ARHGAP6: variants seen among roughly 807,000 people sequenced by gnomAD.
The protein encoded by ARHGAP6 is Rho GTPase activating protein 6.
Under a neutral mutation model 55.7 loss-of-function variants are expected in ARHGAP6, and 16 were observed. The ratio of observed to expected loss-of-function variants is 0.29; its 90% CI spans 0.19 to 0.44. ARHGAP6 has a LOEUF of 0.44. ARHGAP6 is among the 20% of genes least tolerant of loss of function. ARHGAP6 has a pLI of 1.00. For missense variants in ARHGAP6, 698 were observed against 808.9 expected (o/e 0.86, Z 1.66); for synonymous variants, 382 against 360.9 (o/e 1.06, Z -0.66).
chrX:11,497,056 CA>C (rs2050629909), intron 1 of ARHGAP6, among the ~76,000 whole-genome samples: 2 of 111,381 alleles, frequency 1.8e-5, no homozygotes, highest in African/African-American at 6.5e-5. Flanking sequence ...TAGTGATCAC[CA>C]GATCTTCTTT....
At chrX:11,324,215 A>G (rs1442002002) in intron 1 of ARHGAP6, among the ~76,000 whole-genome samples, 1 of 112,245 alleles carries the variant, frequency 8.9e-6, no homozygotes, top group African/African-American at 3.2e-5. Context: ...GAATTGTAAC[A>G]GGAAATAAAA....
At chrX:11,283,616 G>A (rs1013671867) in intron 1 of ARHGAP6, among the ~76,000 whole-genome samples, 1 of 111,930 alleles carries the variant, frequency 8.9e-6, no homozygotes, top group African/African-American at 3.2e-5. Context: ...AGATTGTCCT[G>A]AATTATGTAT....
intron 2 of ARHGAP6, among the ~76,000 whole-genome samples, chrX:11,214,158 A>G (rs962445327): frequency 9.0e-6 from 1 of 110,670 alleles, no homozygotes; most frequent in African/African-American, 3.3e-5. Flanking sequence ...GGAAATACAA[A>G]GGAATATAAA....
At chrX:11,531,186 A>G (rs1463898889) in intron 1 of ARHGAP6, among the ~76,000 whole-genome samples, 1 of 111,637 alleles carries the variant, frequency 9.0e-6, no homozygotes, top group Non-Finnish European at 1.9e-5. Flanking sequence ...TAAAAAATCT[A>G]GGATGTTCAT....
intron 2 of ARHGAP6, chrX:11,223,203 G>A (rs186439921): frequency 6.8e-5 from 11 of 161,577 alleles, no homozygotes; most frequent in East Asian, 2.6e-4. Flanking sequence ...GATTGAAAGC[G>A]TTGCAAAAGC....
At chrX:11,645,318 A>T (rs1447610621) in intron 1 of ARHGAP6, among the ~76,000 whole-genome samples, 2 of 111,352 alleles carry the variant, frequency 1.8e-5, no homozygotes, top group Non-Finnish European at 3.8e-5. Context: ...AAGAAAAAAA[A>T]TCATTTTTTT....
intron 2 of ARHGAP6, among the ~76,000 whole-genome samples, chrX:11,214,939 G>A (rs148031500): frequency 0.012 from 1,409 of 113,414 alleles, 24 homozygotes; most frequent in African/African-American, 0.042. Flanking sequence ...GTGAAGCACC[G>A]GGCTGCCCCA....
At position 11,138,700 on chromosome X, in the gene ARHGAP6, G is replaced by T. The variant is rs893814529; in HGVS notation, c.*163C>A. The T allele has an allele frequency of 1.9e-5, 10 of 538,058 alleles. No individual in the cohort carries two copies. The highest frequency in any genetic ancestry group is 2.6e-5 in the Non-Finnish European group (9 of 341,804). 44.3% of individuals were successfully genotyped at this position (538,058 alleles called of 1,213,427 possible). A position where few individuals can be genotyped will look rare whatever the true frequency, so the allele number is the denominator to read the frequency against. On this transcript the variant is annotated 3_prime_UTR_variant, in exon 13 of 13. Transcript: ENST00000337414. Reference sequence around the variant, plus strand: ...AATGGAACCTTATTCTCAATGGCGGGGGCGTGAGTGCTCTACCTCTGTAGG... The same window carrying T: ...AATGGAACCTTATTCTCAATGGCGGTGGCGTGAGTGCTCTACCTCTGTAGG...
intron 1 of ARHGAP6, among the ~76,000 whole-genome samples, chrX:11,354,321 C>CTATATATATATA (rs1295985738): frequency 3.1e-5 from 2 of 64,391 alleles, no homozygotes; most frequent in African/African-American, 6.4e-5. Context: ...CTCTCTCTCT[C>CTATATATATATA]TCTCTCTATA....
Position 11,142,319 on chromosome X carries a change from G to A in ARHGAP6, c.2177-6C>T. ...GAAAGGCTCCTCTGACAGATCTAGG[G>A]AAAAAGTGTATAAAAAGGTATATAA... On this transcript the variant is annotated splice_polypyrimidine_tract_variant and splice_region_variant and intron_variant, in intron 11 of 12. Coordinates refer to ENST00000337414, the MANE Select transcript of ARHGAP6 (RefSeq NM_013427.3). The A allele has an allele frequency of 3.4e-6, 4 of 1,167,488 alleles. No homozygotes were observed. Among genetic ancestry groups the A allele is most frequent in the Non-Finnish European group, 4.6e-6 (4 of 865,045 alleles).
chrX:11,330,390 A>G (rs964945072), intron 1 of ARHGAP6, among the ~76,000 whole-genome samples: 3 of 112,157 alleles, frequency 2.7e-5, no homozygotes, highest in Admixed American at 9.5e-5. Flanking sequence ...AAAATTCATA[A>G]CATCACTTTT....
intron 1 of ARHGAP6, among the ~76,000 whole-genome samples, chrX:11,342,248 C>A (rs1190204319): frequency 8.9e-6 from 1 of 111,771 alleles, no homozygotes; most frequent in South Asian, 3.7e-4. Flanking sequence ...CATTTTATGG[C>A]ACCGGATTAT....
At chrX:11,577,881 C>G (rs144626807) in intron 1 of ARHGAP6, among the ~76,000 whole-genome samples, 9 of 110,981 alleles carry the variant, frequency 8.1e-5, no homozygotes, top group African/African-American at 2.9e-4. Flanking sequence ...ATCTTTCGGC[C>G]GATACCTATA....
intron 1 of ARHGAP6, among the ~76,000 whole-genome samples, chrX:11,390,668 C>T (rs1384938514): frequency 8.9e-6 from 1 of 112,203 alleles, no homozygotes; most frequent in Non-Finnish European, 1.9e-5. Context: ...TGAACAGGCA[C>T]TTCTCAAAAG....
intron 1 of ARHGAP6, among the ~76,000 whole-genome samples, chrX:11,299,256 T>C (rs2048138184): frequency 8.9e-6 from 1 of 112,032 alleles, no homozygotes. Context: ...TAGAAATATA[T>C]ATTACTAAAC....
chrX:11,275,194 C>G (rs1399904662), intron 1 of ARHGAP6, among the ~76,000 whole-genome samples: 1 of 111,461 alleles, frequency 9.0e-6, no homozygotes, highest in African/African-American at 3.3e-5. Flanking sequence ...TATCTCTTGA[C>G]TATTATATAT....
rs1436457461 is a variant in ARHGAP6, at chrX:11,664,483, C to G, written c.346G>C (p.Gly116Arg). 1 of 1,209,266 alleles carries G rather than the reference C, an allele frequency of 8.3e-7. No individual in the cohort carries two copies. Among genetic ancestry groups the G allele is most frequent in the Non-Finnish European group, 1.1e-6 (1 of 894,093 alleles). Residue 116 changes from glycine (G) to arginine (R), a missense_variant, in exon 1 of 13, where the codon GGC becomes CGC. Physicochemically the swap from Gly to Arg is moderately radical, Grantham distance 125. Coordinates refer to ENST00000337414, the MANE Select transcript of ARHGAP6 (RefSeq NM_013427.3). ...PSTPQEKSPS[G>R]SFHFDYEVPL... ...ACCTCATAGTCAAAGTGAAAGCTGC[C>G]GGATGGTGACTTCTCCTGCGGGGTG...
At position 11,138,251 on chromosome X, in the gene ARHGAP6, T is replaced by C. The variant is rs1051260619; in HGVS notation, c.*612A>G. 10 of 112,269 alleles carry C rather than the reference T, an allele frequency of 8.9e-5. 1 individual carries two copies. The highest frequency in any genetic ancestry group is 1.3e-4 in the Non-Finnish European group (7 of 53,242). The allele number at this position is 112,269 out of a possible 1,213,427, so 9.3% of individuals were successfully genotyped here. On this transcript the variant is annotated 3_prime_UTR_variant, in exon 13 of 13. Coordinates refer to ENST00000337414, the MANE Select transcript of ARHGAP6 (RefSeq NM_013427.3). ...ATCTAAAAGCATTCAGTGATTTTTC[T>C]TTTTGTATCTGACTCCTATGTAAAA...
intron 1 of ARHGAP6, among the ~76,000 whole-genome samples, chrX:11,628,288 A>G (rs1221884928): frequency 1.8e-5 from 2 of 112,342 alleles, no homozygotes; most frequent in East Asian, 2.8e-4. Flanking sequence ...AATAGACATC[A>G]CAAAGTGATT....
Sources: allele counts gnomAD v4.1 joint callset (sites outside exome capture counted in the v4.1 genomes callset), GRCh38; gene constraint gnomAD v4.1.1; transcripts MANE v1.5; gene names NCBI Gene and HGNC (gene_info 2026-07-23, HGNC 2026-07-21).